The following TMEM117 variants were observed in gnomAD, a reference collection of about 807,000 sequenced individuals.
The protein encoded by TMEM117 is transmembrane protein 117.
Under a neutral mutation model 52.4 loss-of-function variants are expected in TMEM117, and 27 were observed. That is an observed-to-expected ratio of 0.51 (90% CI 0.38 to 0.71). The LOEUF (loss-of-function observed/expected upper bound fraction) is 0.71. Ranked by LOEUF, TMEM117 falls within the 30% of genes least tolerant of loss-of-function variation. TMEM117 has a pLI of 0.00. For missense variants in TMEM117, 556 were observed against 630.5 expected, an observed-to-expected ratio of 0.88 and a Z score of 1.26; for synonymous variants, 215 against 206.3, an observed-to-expected ratio of 1.04 and a Z score of -0.36.
At chr12:43,897,867 C>T (rs189267525) in intron 2 of TMEM117, among the ~76,000 whole-genome samples, 1 of 152,238 alleles carries the variant, frequency 6.6e-6, no homozygotes, top group Non-Finnish European at 1.5e-5. Flanking sequence ...CCAGCTTTGG[C>T]CTTCCAAAAT....
chr12:43,987,252 C>T (rs1482069158), intron 3 of TMEM117, among the ~76,000 whole-genome samples: 1 of 152,148 alleles, frequency 6.6e-6, no homozygotes, highest in Non-Finnish European at 1.5e-5. Flanking sequence ...GAAACCACAC[C>T]TGCCAACACC....
At chr12:44,164,574 C>G (rs1948939455) in intron 4 of TMEM117, among the ~76,000 whole-genome samples, 1 of 152,054 alleles carries the variant, frequency 6.6e-6, no homozygotes, top group Non-Finnish European at 1.5e-5. Flanking sequence ...AAAAAAAACC[C>G]TTGTAAAAGG....
chr12:44,134,941 G>A (rs982140389), intron 3 of TMEM117, among the ~76,000 whole-genome samples: 2 of 152,028 alleles, frequency 1.3e-5, no homozygotes, highest in Admixed American at 1.3e-4. Flanking sequence ...GGAAGGCATT[G>A]GAATTAGACT....
At chr12:44,307,686 A>G (rs1018063612) in intron 6 of TMEM117, among the ~76,000 whole-genome samples, 1 of 152,214 alleles carries the variant, frequency 6.6e-6, no homozygotes, top group African/African-American at 2.4e-5. Flanking sequence ...GGAGGACTGC[A>G]TCATGTTTAT....
At chr12:43,886,029 A>G (rs1463123085) in intron 2 of TMEM117, among the ~76,000 whole-genome samples, 2 of 152,242 alleles carry the variant, frequency 1.3e-5, no homozygotes, top group Non-Finnish European at 2.9e-5. Context: ...TCAGCATGAC[A>G]TGGGGGAACC....
intron 2 of TMEM117, among the ~76,000 whole-genome samples, chr12:43,917,250 A>G (rs1187925350): frequency 1.8e-4 from 19 of 103,748 alleles, no homozygotes; most frequent in Non-Finnish European, 3.7e-4. Context: ...AAAAAAAAAA[A>G]AAAGGCGTGC....
chr12:44,318,048 G>A lies in TMEM117; in HGVS notation c.768+18309G>A, dbSNP rs546600632. ...GTTCTCTGCATGGGGAGGGGTGACG[G>A]CCCGAACTCCTAATCCAGTAGAGTG... On this transcript the variant is annotated intron_variant, in intron 6 of 7. Coordinates refer to ENST00000266534, the MANE Select transcript of TMEM117 (RefSeq NM_032256.3). Among the ~76,000 whole-genome samples, 241 of 152,288 alleles carry A rather than the reference G, an allele frequency of 1.6e-3. 3 individuals carry two copies. Among genetic ancestry groups the A allele is most frequent in the African/African-American group, 5.4e-3 (223 of 41,560 alleles).
chr12:44,397,963 C>T, the TMEM117 span, among the ~76,000 whole-genome samples: 1 of 152,120 alleles, frequency 6.6e-6, no homozygotes, highest in Non-Finnish European at 1.5e-5. Context: ...ATTTTACCAT[C>T]AGTTACCTCT....
chr12:43,987,972 G>A (rs1336277043), intron 3 of TMEM117, among the ~76,000 whole-genome samples: 2 of 151,952 alleles, frequency 1.3e-5, no homozygotes, highest in African/African-American at 2.4e-5. Context: ...GTTAATCATG[G>A]CAAACCACCA....
intron 6 of TMEM117, among the ~76,000 whole-genome samples, chr12:44,365,968 C>G (rs545933491): frequency 5.9e-5 from 9 of 152,060 alleles, no homozygotes; most frequent in African/African-American, 1.9e-4. Flanking sequence ...ATTCCTGTAA[C>G]CTCACTGACT....
intron 5 of TMEM117, among the ~76,000 whole-genome samples, chr12:44,265,564 G>A (rs931051823): frequency 2.0e-5 from 3 of 152,138 alleles, no homozygotes; most frequent in African/African-American, 4.8e-5. Context: ...ACCCGTTTGG[G>A]AAATAGTTTC....
chr12:43,965,521 C>T (rs888897827), intron 3 of TMEM117, among the ~76,000 whole-genome samples: 6 of 152,176 alleles, frequency 3.9e-5, no homozygotes, highest in African/African-American at 1.4e-4. Context: ...CCAAAAGGTT[C>T]AAGAGGGAGT....
intron 2 of TMEM117, among the ~76,000 whole-genome samples, chr12:43,879,067 C>G (rs1943851488): frequency 6.6e-6 from 1 of 152,060 alleles, no homozygotes; most frequent in African/African-American, 2.4e-5. Context: ...TCTGAAAACC[C>G]TGTATGTTAA....
intron 6 of TMEM117, among the ~76,000 whole-genome samples, chr12:44,338,794 A>C (rs1303272103): frequency 2.0e-5 from 3 of 152,124 alleles, no homozygotes; most frequent in Non-Finnish European, 4.4e-5. Flanking sequence ...GCAAGATAAT[A>C]ATGTTTTATC....
chr12:44,079,080 A>G (rs1179531465), intron 3 of TMEM117, among the ~76,000 whole-genome samples: 2 of 152,044 alleles, frequency 1.3e-5, no homozygotes, highest in African/African-American at 2.4e-5. Context: ...CCCATGGTGT[A>G]TATGTGCCAC....
chr12:44,243,226 T>A (rs1950086040), intron 5 of TMEM117, among the ~76,000 whole-genome samples: 1 of 151,802 alleles, frequency 6.6e-6, no homozygotes, highest in South Asian at 2.1e-4. Context: ...TGATCTTTGA[T>A]TTTTGAATCT....
chr12:44,313,016 T>G (rs1296568449), intron 6 of TMEM117, among the ~76,000 whole-genome samples: 13 of 152,326 alleles, frequency 8.5e-5, no homozygotes, highest in Non-Finnish European at 1.5e-5. Flanking sequence ...ATATTAAACC[T>G]CTGTTGGATG....
intron 3 of TMEM117, among the ~76,000 whole-genome samples, chr12:44,020,679 C>A (rs897436738): frequency 4.6e-5 from 7 of 152,102 alleles, no homozygotes; most frequent in African/African-American, 1.7e-4. Context: ...TCAATGATTC[C>A]ATAAACATTC....
At chr12:44,135,748 T>G (rs1948480914) in intron 3 of TMEM117, among the ~76,000 whole-genome samples, 1 of 152,200 alleles carries the variant, frequency 6.6e-6, no homozygotes, top group Non-Finnish European at 1.5e-5. Context: ...ATTTTTCAGG[T>G]TTCTTCATTT....
Sources: allele counts gnomAD v4.1 joint callset (sites outside exome capture counted in the v4.1 genomes callset), GRCh38; gene constraint gnomAD v4.1.1; transcripts MANE v1.5; gene names NCBI Gene and HGNC (gene_info 2026-07-23, HGNC 2026-07-21).